The following TMC1 variants were observed in gnomAD, a reference collection of about 807,000 sequenced individuals.
The protein encoded by TMC1 is transmembrane channel-like protein 1.
In TMC1, 84 loss-of-function variants were observed where a neutral mutation model predicts 105.8. The ratio of observed to expected loss-of-function variants is 0.79; its 90% CI spans 0.67 to 0.95. TMC1 has a LOEUF of 0.95. TMC1 is among the 40% of genes least tolerant of loss of function. The pLI is 0.00. For missense variants in TMC1, 817 were observed against 914.1 expected (o/e 0.89, Z 1.37); for synonymous variants, 315 against 311.5 (o/e 1.01, Z -0.12).
intron 8 of TMC1, among the ~76,000 whole-genome samples, chr9:72,716,400 G>T (rs1191913298): frequency 2.0e-5 from 3 of 152,204 alleles, no homozygotes; most frequent in Non-Finnish European, 2.9e-5. Context: ...CAGGAAGGTG[G>T]GGGTTTTACC....
intron 1 of TMC1, among the ~76,000 whole-genome samples, chr9:72,523,011 T>C (rs1226985053): frequency 6.6e-6 from 1 of 152,160 alleles, no homozygotes; most frequent in Non-Finnish European, 1.5e-5. Context: ...TCCAGACTTT[T>C]CCAAATGTCC....
chr9:72,663,515 T>C (rs1053642346), intron 5 of TMC1, among the ~76,000 whole-genome samples: 1 of 152,180 alleles, frequency 6.6e-6, no homozygotes, highest in African/African-American at 2.4e-5. Context: ...ATAAACTAAG[T>C]TCCTCCCAAA....
chr9:72,749,787 A>G (rs1827548943), intron 10 of TMC1, among the ~76,000 whole-genome samples: 1 of 152,202 alleles, frequency 6.6e-6, no homozygotes, highest in African/African-American at 2.4e-5. Flanking sequence ...CCACTGTTTT[A>G]CAGGAATAAG....
intron 1 of TMC1, among the ~76,000 whole-genome samples, chr9:72,525,664 T>C (rs908752292): frequency 6.6e-6 from 1 of 152,090 alleles, no homozygotes; most frequent in African/African-American, 2.4e-5. Context: ...TTTGAACTGT[T>C]GTATCTCTCT....
At chr9:72,763,080 G>A (rs1294890197) in intron 12 of TMC1, among the ~76,000 whole-genome samples, 9 of 141,954 alleles carry the variant, frequency 6.3e-5, no homozygotes, top group East Asian at 2.0e-4. Flanking sequence ...AAGTCCTAGC[G>A]ATGCCTTTTT....
chr9:72,765,775 A>G (rs1023666183), intron 12 of TMC1, among the ~76,000 whole-genome samples: 1 of 152,150 alleles, frequency 6.6e-6, no homozygotes, highest in Non-Finnish European at 1.5e-5. Flanking sequence ...ATTTTCTTGA[A>G]TGTGCTATGT....
intron 1 of TMC1, among the ~76,000 whole-genome samples, chr9:72,575,552 T>C (rs1397223818): frequency 6.6e-6 from 1 of 152,180 alleles, no homozygotes; most frequent in Non-Finnish European, 1.5e-5. Flanking sequence ...TCAGGAACAA[T>C]GACAACATTC....
chr9:72,523,673 A>G (rs1823353255), intron 1 of TMC1, among the ~76,000 whole-genome samples: 1 of 152,008 alleles, frequency 6.6e-6, no homozygotes, highest in South Asian at 2.1e-4. Flanking sequence ...TAGGGGTGGC[A>G]GGGATGGTAG....
intron 4 of TMC1, among the ~76,000 whole-genome samples, chr9:72,645,326 G>A (rs189113186): frequency 2.0e-5 from 3 of 152,180 alleles, no homozygotes; most frequent in Admixed American, 1.3e-4. Flanking sequence ...AGCTTTTGAC[G>A]GAAATTTTAA....
intron 6 of TMC1, among the ~76,000 whole-genome samples, chr9:72,692,293 A>G (rs1826478206): frequency 6.6e-6 from 1 of 152,084 alleles, no homozygotes; most frequent in Non-Finnish European, 1.5e-5. Context: ...CCCCAGGGAG[A>G]GACTGGGAGA....
intron 3 of TMC1, among the ~76,000 whole-genome samples, chr9:72,626,682 A>G (rs991624518): frequency 6.6e-6 from 1 of 152,170 alleles, no homozygotes; most frequent in South Asian, 2.1e-4. Flanking sequence ...GGAGTAAGAC[A>G]AGATTGATTA....
intron 1 of TMC1, among the ~76,000 whole-genome samples, chr9:72,568,980 T>C (rs1824218048): frequency 6.6e-6 from 1 of 152,152 alleles, no homozygotes; most frequent in Non-Finnish European, 1.5e-5. Flanking sequence ...AAAAACAAGT[T>C]GTCCCTTGGT....
intron 1 of TMC1, among the ~76,000 whole-genome samples, chr9:72,535,897 C>T (rs1168016367): frequency 1.3e-5 from 2 of 152,184 alleles, no homozygotes; most frequent in Non-Finnish European, 2.9e-5. Context: ...ACTCTTTCTA[C>T]AGGGAGGGCA....
At chr9:72,669,394 A>C (rs764186831) in intron 5 of TMC1, among the ~76,000 whole-genome samples, 3 of 152,214 alleles carry the variant, frequency 2.0e-5, no homozygotes, top group Non-Finnish European at 4.4e-5. Flanking sequence ...CTCATCATCT[A>C]GATATGACTG....
At chr9:72,540,106 G>A (rs1244455178) in intron 1 of TMC1, among the ~76,000 whole-genome samples, 1 of 152,130 alleles carries the variant, frequency 6.6e-6, no homozygotes, top group East Asian at 1.9e-4. Context: ...CCCCTGCCAG[G>A]GAGGTCATTA....
At chr9:72,535,458 C>T (rs141828115) in intron 1 of TMC1, among the ~76,000 whole-genome samples, 4 of 152,258 alleles carry the variant, frequency 2.6e-5, no homozygotes, top group Admixed American at 6.5e-5. Context: ...TCTAATCCAA[C>T]CTATAAACCA....
intron 4 of TMC1, among the ~76,000 whole-genome samples, chr9:72,642,411 C>CCTTT (rs1825643751): frequency 6.6e-6 from 1 of 152,130 alleles, no homozygotes; most frequent in Admixed American, 6.5e-5. Context: ...TGTTGGTTAA[C>CCTTT]ATGAGTTTAA....
At chr9:72,678,580 G>A (rs1287840819) in intron 5 of TMC1, among the ~76,000 whole-genome samples, 1 of 151,900 alleles carries the variant, frequency 6.6e-6, no homozygotes, top group African/African-American at 2.4e-5. Context: ...TGAAATAAGA[G>A]TACTTGGCAC....
rs11143386 is a variant in TMC1 at position 72,750,813 on chromosome 9, A to G, written c.536-1037A>G. On this transcript the variant is annotated intron_variant, in intron 10 of 23. Coordinates refer to ENST00000297784, the MANE Select transcript of TMC1 (RefSeq NM_138691.3). ...ACTGTGGTTTGGCCTCTCCATCCTT[A>G]TCTGTCACCACTTTCCCTCATTCAT... is the stretch of plus-strand genomic sequence containing the variant. 2.8e-4 allele frequency among the ~76,000 whole-genome samples: 43 copies of G among 152,272 alleles called. No individual in the cohort carries two copies. In the East Asian group the frequency reaches 6.2e-3, roughly 22 times the overall value.
Sources: allele counts gnomAD v4.1 joint callset (sites outside exome capture counted in the v4.1 genomes callset), GRCh38; gene constraint gnomAD v4.1.1; transcripts MANE v1.5; gene names NCBI Gene and HGNC (gene_info 2026-07-23, HGNC 2026-07-21).